The following WWOX variants were observed in gnomAD, a reference collection of about 807,000 sequenced individuals.
The protein encoded by WWOX is WW domain containing oxidoreductase.
A neutral mutation model predicts 46.2 loss-of-function variants in WWOX; 69 were observed. The ratio of observed to expected loss-of-function variants is 1.49; its 90% CI spans 1.23 to 1.82. WWOX has a LOEUF of 1.82. Among genes scored for constraint, WWOX ranks in the 40% most tolerant of loss-of-function variants. The pLI, the probability that WWOX is intolerant of heterozygous loss-of-function variation, is 0.00. For missense variants in WWOX, 919 were observed against 542.6 expected, an observed-to-expected ratio of 1.69 and a Z score of -6.89; for synonymous variants, 359 against 202.6, an observed-to-expected ratio of 1.77 and a Z score of -6.56.
intron 8 of WWOX, among the ~76,000 whole-genome samples, chr16:78,676,019 G>T (rs1357875473): frequency 6.6e-6 from 1 of 151,944 alleles, no homozygotes. Context: ...CTAGTACAAA[G>T]AATTTTTTTT....
chr16:78,622,539 TC>T (rs2151646156), intron 8 of WWOX, among the ~76,000 whole-genome samples: 1 of 80,124 alleles, frequency 1.2e-5, no homozygotes, highest in South Asian at 4.1e-4. Context: ...TGAAACTCCA[TC>T]TTAAAAAAAA....
intron 8 of WWOX, among the ~76,000 whole-genome samples, chr16:79,010,692 C>G (rs1280096284): frequency 6.6e-6 from 1 of 152,004 alleles, no homozygotes; most frequent in African/African-American, 2.4e-5. Flanking sequence ...TCAAGGAAGG[C>G]TTCCAGGCAG....
rs902744294 is a variant in WWOX, at chr16:78,594,949, A to T, written c.1056+162197A>T. Among the ~76,000 whole-genome samples, 28 of 152,230 alleles carry T rather than the reference A, an allele frequency of 1.8e-4. 1 individual carries two copies. On this transcript the variant is annotated intron_variant, in intron 8 of 8. Coordinates refer to ENST00000566780, the MANE Select transcript of WWOX (RefSeq NM_016373.4). ...AGAAGGGCCTGTCTCTCAGGAAAGC[A>T]GTGATTTCCTTTCACAATAACCCTA...
intron 8 of WWOX, chr16:78,897,779 C>A (rs2044736414): frequency 6.6e-6 from 1 of 152,030 alleles, no homozygotes; most frequent in Non-Finnish European, 1.5e-5. Context: ...TCATTTTAAC[C>A]CCCCGCTAGA....
At chr16:78,510,789 GTT>G (rs1170551362) in intron 8 of WWOX, among the ~76,000 whole-genome samples, 2 of 152,200 alleles carry the variant, frequency 1.3e-5, no homozygotes, top group African/African-American at 4.8e-5. Flanking sequence ...TGGCAGGAGT[GTT>G]TGTTAAACAT....
At chr16:78,386,449 A>C (rs951167326) in intron 5 of WWOX, among the ~76,000 whole-genome samples, 4 of 152,194 alleles carry the variant, frequency 2.6e-5, no homozygotes, top group African/African-American at 9.7e-5. Flanking sequence ...GATATTTCAG[A>C]ACCTGGATGG....
intron 6 of WWOX, among the ~76,000 whole-genome samples, chr16:78,395,095 G>A (rs779555985): frequency 1.1e-4 from 17 of 152,150 alleles, no homozygotes; most frequent in South Asian, 2.1e-4. Context: ...CATCTTGATC[G>A]TAAAATGATC....
At chr16:78,941,542 G>A (rs1043314393) in intron 8 of WWOX, among the ~76,000 whole-genome samples, 1 of 151,804 alleles carries the variant, frequency 6.6e-6, no homozygotes, top group Non-Finnish European at 1.5e-5. Flanking sequence ...AGCTGGGGAC[G>A]GGGGGATAGA....
At chr16:78,116,623 C>T (rs1420644920) in intron 4 of WWOX, among the ~76,000 whole-genome samples, 1 of 151,908 alleles carries the variant, frequency 6.6e-6, no homozygotes, top group Non-Finnish European at 1.5e-5. Flanking sequence ...AAACTGATGG[C>T]GTAATATTTA....
chr16:79,207,171 C>G (rs1335124120), intron 8 of WWOX, among the ~76,000 whole-genome samples: 1 of 152,190 alleles, frequency 6.6e-6, no homozygotes, highest in East Asian at 1.9e-4. Context: ...CGCAGCAGCT[C>G]TCTGATAAAT....
chr16:78,773,233 G>T (rs966574479), intron 8 of WWOX, among the ~76,000 whole-genome samples: 1 of 152,092 alleles, frequency 6.6e-6, no homozygotes, highest in African/African-American at 2.4e-5. Flanking sequence ...TTAATAAGTA[G>T]AGCCCGAGTT....
intron 5 of WWOX, among the ~76,000 whole-genome samples, chr16:78,286,750 G>A (rs2079774214): frequency 6.6e-6 from 1 of 152,046 alleles, no homozygotes; most frequent in South Asian, 2.1e-4. Flanking sequence ...TCTTCATTAT[G>A]TACCCTATAC....
intron 4 of WWOX, among the ~76,000 whole-genome samples, chr16:78,135,457 T>C (rs1429004755): frequency 1.3e-5 from 2 of 152,210 alleles, no homozygotes; most frequent in Non-Finnish European, 2.9e-5. Context: ...GAAGTTATCT[T>C]CAATTCAAAT....
chr16:78,365,133 A>C (rs2081504836), intron 5 of WWOX, among the ~76,000 whole-genome samples: 1 of 152,186 alleles, frequency 6.6e-6, no homozygotes, highest in Non-Finnish European at 1.5e-5. Context: ...AGATGCTAAT[A>C]CCTACTTCTT....
intron 4 of WWOX, among the ~76,000 whole-genome samples, chr16:78,158,295 A>G (rs2034671320): frequency 6.6e-6 from 1 of 152,168 alleles, no homozygotes; most frequent in Admixed American, 6.5e-5. Context: ...GCCATTTGAC[A>G]TGGGTTTGGC....
intron 8 of WWOX, among the ~76,000 whole-genome samples, chr16:78,539,800 C>T (rs900083100): frequency 6.6e-6 from 1 of 152,116 alleles, no homozygotes; most frequent in East Asian, 1.9e-4. Context: ...ATGCCCAGAG[C>T]ATTTATCTTT....
chr16:78,601,451 AAAG>A (rs944885869), intron 8 of WWOX, among the ~76,000 whole-genome samples: 20 of 151,492 alleles, frequency 1.3e-4, no homozygotes, highest in African/African-American at 4.6e-4. Flanking sequence ...GAAAAAAAAA[AAAG>A]AAAGGAAAAA....
At chr16:78,628,600 G>A (rs2046360759) in intron 8 of WWOX, among the ~76,000 whole-genome samples, 1 of 152,030 alleles carries the variant, frequency 6.6e-6, no homozygotes, top group Non-Finnish European at 1.5e-5. Context: ...TGAGATGCCT[G>A]TTGATGGATT....
intron 8 of WWOX, among the ~76,000 whole-genome samples, chr16:78,758,916 A>T (rs370291431): frequency 6.6e-6 from 1 of 150,708 alleles, no homozygotes; most frequent in African/African-American, 2.5e-5. Flanking sequence ...TATATTTTGC[A>T]TTAAAAAAAA....
Sources: gnomAD v4.1 joint callset for allele counts (sites outside exome capture counted in the v4.1 genomes callset) on GRCh38, gnomAD v4.1.1 for gene constraint, MANE v1.5 for transcripts, NCBI Gene and HGNC (gene_info 2026-07-23, HGNC 2026-07-21) for gene names.